FBXL7: variants seen among roughly 807,000 people sequenced by gnomAD.
FBXL7 encodes the protein F-box and leucine rich repeat protein 7, also known as F-box/LRR-repeat protein 7.
In FBXL7, 12 loss-of-function variants were observed where a neutral mutation model predicts 38.3. That is an observed-to-expected ratio of 0.31 (90% confidence interval 0.20 to 0.51). FBXL7 has a LOEUF of 0.51. FBXL7 is among the 20% of genes least tolerant of loss of function. The probability of loss-of-function intolerance (pLI) is 0.98; values close to 1 mark genes in which losing one functional copy is unlikely to be tolerated. For missense variants in FBXL7, 567 were observed against 676.4 expected, an observed-to-expected ratio of 0.84 and a Z score of 1.79; for synonymous variants, 297 against 300.9, an observed-to-expected ratio of 0.99 and a Z score of 0.13.
intron 2 of FBXL7, among the ~76,000 whole-genome samples, chr5:15,795,861 G>A (rs1737403242): frequency 6.6e-6 from 1 of 152,146 alleles, no homozygotes; most frequent in African/African-American, 2.4e-5. Flanking sequence ...ACACTCATCC[G>A]ATTGCCACTA....
chr5:15,834,658 TC>T (rs1738541875), intron 2 of FBXL7, among the ~76,000 whole-genome samples: 1 of 152,240 alleles, frequency 6.6e-6, no homozygotes. Flanking sequence ...TGATTATAAA[TC>T]CCGTGGCCTT....
At chr5:15,605,174 G>GT (rs1473867708) in intron 1 of FBXL7, among the ~76,000 whole-genome samples, 1 of 152,152 alleles carries the variant, frequency 6.6e-6, no homozygotes, top group Non-Finnish European at 1.5e-5. Context: ...GAAGACTGCT[G>GT]TGTGCCTTGT....
chr5:15,623,681 A>G (rs1740722275), intron 2 of FBXL7, among the ~76,000 whole-genome samples: 1 of 152,242 alleles, frequency 6.6e-6, no homozygotes, highest in South Asian at 2.1e-4. Context: ...TAGGGAAGGA[A>G]AAATGATGCT....
intron 2 of FBXL7, among the ~76,000 whole-genome samples, chr5:15,925,464 G>A (rs13185525): frequency 0.26 from 39,019 of 152,094 alleles, 4,989 homozygotes; most frequent in South Asian, 0.3. Flanking sequence ...ACAAGCAACT[G>A]AACAGAAAAA....
intron 2 of FBXL7, among the ~76,000 whole-genome samples, chr5:15,639,790 A>G (rs1345068791): frequency 6.6e-6 from 1 of 151,702 alleles, no homozygotes; most frequent in Non-Finnish European, 1.5e-5. Flanking sequence ...AATAAGTTAC[A>G]AATTTAAGTT....
In FBXL7 at chr5:15,735,318, G is replaced by A. The variant is rs190645106; in HGVS notation, c.127+119246G>A. On this transcript the variant is annotated intron_variant, in intron 2 of 3. Transcript: ENST00000504595. ...TTAATAGACTAGGTAGAGAAGAGAA[G>A]TGGAGAGACCATTTCAGAGGATGTG... 3.3e-5 allele frequency among the ~76,000 whole-genome samples: 5 copies of A among 152,332 alleles called. No homozygotes were observed. In the East Asian group the frequency reaches 9.7e-4, roughly 29 times the overall value.
intron 2 of FBXL7, among the ~76,000 whole-genome samples, chr5:15,844,282 C>T (rs566961428): frequency 6.6e-5 from 10 of 152,302 alleles, no homozygotes; most frequent in Non-Finnish European, 7.3e-5. Flanking sequence ...CTGCTTACAT[C>T]GGAGGTCTGC....
intron 2 of FBXL7, among the ~76,000 whole-genome samples, chr5:15,729,781 G>A (rs143951183): frequency 8.3e-4 from 126 of 152,218 alleles, no homozygotes; most frequent in Admixed American, 2.6e-3. Context: ...CTTACTGTGC[G>A]TCAGGCAGCA....
At chr5:15,775,268 T>C (rs574349648) in intron 2 of FBXL7, among the ~76,000 whole-genome samples, 3 of 152,286 alleles carry the variant, frequency 2.0e-5, no homozygotes, top group Admixed American at 2.0e-4. Context: ...TTTTTTGTTA[T>C]TTGCTGGAAA....
Position 15,523,134 on chromosome 5 carries a change from G to A in FBXL7, c.37+22421G>A, listed in dbSNP as rs556734735. On this transcript the variant is annotated intron_variant, in intron 1 of 3. Coordinates refer to ENST00000504595, the MANE Select transcript of FBXL7 (RefSeq NM_012304.5). ...ATCATTGAGAAAGTCCTATTGTACC[G>A]CACCGTTACAGAGGATTTAAGTTAG... Among the ~76,000 whole-genome samples the A allele has an allele frequency of 1.3e-3, 191 of 152,290 alleles. 1 individual carries two copies. Among genetic ancestry groups the A allele is most frequent in the African/African-American group, 4.5e-3 (186 of 41,556 alleles).
chr5:15,822,655 A>G (rs1350602521), intron 2 of FBXL7, among the ~76,000 whole-genome samples: 2 of 136,028 alleles, frequency 1.5e-5, no homozygotes, highest in African/African-American at 5.7e-5. Flanking sequence ...GCAGGGCGTT[A>G]AGGTTAGTAT....
At chr5:15,745,745 G>T (rs1709725818) in intron 2 of FBXL7, among the ~76,000 whole-genome samples, 1 of 152,218 alleles carries the variant, frequency 6.6e-6, no homozygotes, top group South Asian at 2.1e-4. Flanking sequence ...GCCAGTAAGG[G>T]TGAGCACAGT....
At chr5:15,888,755 T>C (rs1407868485) in intron 2 of FBXL7, among the ~76,000 whole-genome samples, 1 of 152,166 alleles carries the variant, frequency 6.6e-6, no homozygotes, top group African/African-American at 2.4e-5. Context: ...TACAAAAAAA[T>C]GGCAAAATTG....
intron 2 of FBXL7, among the ~76,000 whole-genome samples, chr5:15,919,221 G>T (rs190548490): frequency 6.6e-6 from 1 of 152,138 alleles, no homozygotes; most frequent in Non-Finnish European, 1.5e-5. Flanking sequence ...ACTTTGAAAG[G>T]CCATTGTAAT....
intron 2 of FBXL7, among the ~76,000 whole-genome samples, chr5:15,869,429 G>A (rs79849069): frequency 2.0e-5 from 3 of 152,070 alleles, no homozygotes; most frequent in Non-Finnish European, 4.4e-5. Context: ...GCCGACACAT[G>A]TGGCCCTGGT....
At chr5:15,725,248 T>A (rs1180343824) in intron 2 of FBXL7, among the ~76,000 whole-genome samples, 1 of 152,232 alleles carries the variant, frequency 6.6e-6, no homozygotes. Context: ...AGATCTTTCT[T>A]ATTTTTTAAT....
At chr5:15,866,314 C>T (rs1171334476) in intron 2 of FBXL7, among the ~76,000 whole-genome samples, 1 of 152,148 alleles carries the variant, frequency 6.6e-6, no homozygotes, top group Non-Finnish European at 1.5e-5. Flanking sequence ...AGATGTTTTC[C>T]TAACCATTGC....
At chr5:15,906,115 G>T (rs181449845) in intron 2 of FBXL7, among the ~76,000 whole-genome samples, 2 of 151,954 alleles carry the variant, frequency 1.3e-5, no homozygotes, top group Non-Finnish European at 2.9e-5. Context: ...TCTAAATAAA[G>T]ATCATCGCCA....
intron 2 of FBXL7, among the ~76,000 whole-genome samples, chr5:15,638,305 C>A (rs757034389): frequency 2.0e-5 from 3 of 152,064 alleles, no homozygotes; most frequent in Admixed American, 1.3e-4. Flanking sequence ...AGGGTTGTTC[C>A]TGTGTGTGAG....
Sources: allele counts gnomAD v4.1 joint callset (sites outside exome capture counted in the v4.1 genomes callset), GRCh38; gene constraint gnomAD v4.1.1; transcripts MANE v1.5; gene names NCBI Gene and HGNC (gene_info 2026-07-23, HGNC 2026-07-21).